CDH13: variants seen among roughly 807,000 people sequenced by gnomAD.
CDH13 encodes the protein cadherin-13.
CDH13 carries 24 observed loss-of-function variants against 63.8 expected under a neutral mutation model. That is an observed-to-expected ratio of 0.38 (90% CI 0.27 to 0.53). CDH13 has a LOEUF of 0.53. CDH13 is among the 20% of genes least tolerant of loss of function. The pLI, the probability that CDH13 is intolerant of heterozygous loss-of-function variation, is 0.85. For synonymous variants in CDH13, 503 were observed against 355.3 expected (o/e 1.42, Z -4.67); for missense variants, 1,049 against 903.1 (o/e 1.16, Z -2.07).
intron 2 of CDH13, among the ~76,000 whole-genome samples, chr16:82,909,730 C>A (rs1050877836): frequency 6.6e-6 from 1 of 152,078 alleles, no homozygotes; most frequent in African/African-American, 2.4e-5. Context: ...TACCTCCCAC[C>A]GGGTTCCTCC....
At chr16:83,294,285 A>T (rs1377791072) in intron 5 of CDH13, among the ~76,000 whole-genome samples, 2 of 152,146 alleles carry the variant, frequency 1.3e-5, no homozygotes, top group African/African-American at 4.8e-5. Context: ...AATACAATAT[A>T]TTGTTATTCA....
intron 5 of CDH13, among the ~76,000 whole-genome samples, chr16:83,273,827 C>T (rs971927570): frequency 6.6e-6 from 1 of 152,138 alleles, no homozygotes; most frequent in African/African-American, 2.4e-5. Context: ...CCACAAGCAA[C>T]ATGTAAGAAA....
At chr16:82,781,518 C>G (rs1361026005) in intron 1 of CDH13, among the ~76,000 whole-genome samples, 2 of 152,080 alleles carry the variant, frequency 1.3e-5, no homozygotes, top group Non-Finnish European at 2.9e-5. Flanking sequence ...CCCACTCACC[C>G]ATCTATTCAC....
In CDH13 at chr16:82,638,191, A is replaced by G. The variant is rs567738203; in HGVS notation, c.45+11054A>G. Among the ~76,000 whole-genome samples the G allele has an allele frequency of 2.6e-5, 4 of 152,298 alleles. No homozygotes were observed. In the East Asian group the frequency reaches 7.7e-4, roughly 29 times the overall value. On this transcript the variant is annotated intron_variant, in intron 1 of 13. Coordinates refer to ENST00000567109, the MANE Select transcript of CDH13 (RefSeq NM_001257.5). ...AAGAACGCTGCAAACCTGGGAACCC[A>G]GAGGTGAACACGACAGTCCAGGCCT...
At chr16:83,071,948 C>G (rs1348292076) in intron 3 of CDH13, among the ~76,000 whole-genome samples, 1 of 152,106 alleles carries the variant, frequency 6.6e-6, no homozygotes, top group Admixed American at 6.5e-5. Context: ...TCTCTCTAAA[C>G]TAACGTCAAA....
chr16:82,717,003 C>A (rs2032419365), intron 1 of CDH13, among the ~76,000 whole-genome samples: 2 of 152,004 alleles, frequency 1.3e-5, no homozygotes, highest in Admixed American at 1.3e-4. Context: ...GGAAGGAGTG[C>A]CTTTTGGGGA....
intron 2 of CDH13, among the ~76,000 whole-genome samples, chr16:82,962,760 C>G (rs1284192758): frequency 6.6e-6 from 1 of 152,140 alleles, no homozygotes; most frequent in Non-Finnish European, 1.5e-5. Flanking sequence ...TTTTTCAGAT[C>G]TCAAGGTGTC....
At chr16:83,562,277 GATA>G (rs902601485) in intron 7 of CDH13, among the ~76,000 whole-genome samples, 69 of 152,242 alleles carry the variant, frequency 4.5e-4, no homozygotes, top group African/African-American at 1.6e-3. Context: ...ATCCTTGTCA[GATA>G]ATAAGAACTT....
intron 7 of CDH13, among the ~76,000 whole-genome samples, chr16:83,528,859 G>A (rs1182923262): frequency 6.6e-6 from 1 of 152,062 alleles, no homozygotes; most frequent in Non-Finnish European, 1.5e-5. Flanking sequence ...TTTTTTCTTT[G>A]TTCATTATGG....
chr16:82,629,835 T>A (rs1907794688), intron 1 of CDH13, among the ~76,000 whole-genome samples: 2 of 152,208 alleles, frequency 1.3e-5, no homozygotes, highest in Admixed American at 1.3e-4. Flanking sequence ...TTGCCTATGA[T>A]AAGTAATGAC....
chr16:82,877,423 G>A (rs1036577688), intron 2 of CDH13, among the ~76,000 whole-genome samples: 1 of 152,164 alleles, frequency 6.6e-6, no homozygotes, highest in Admixed American at 6.5e-5. Flanking sequence ...TCAGGTTGAC[G>A]AAGGTGATCT....
intron 6 of CDH13, among the ~76,000 whole-genome samples, chr16:83,356,212 A>ATGTGTGTGTG (rs10525181): frequency 7.5e-4 from 104 of 138,752 alleles, no homozygotes; most frequent in East Asian, 7.3e-3. Context: ...ATTTATTTTC[A>ATGTGTGTGTG]TGTGTGTGTG....
At chr16:83,129,432 A>C (rs1213496764) in intron 4 of CDH13, among the ~76,000 whole-genome samples, 1 of 152,182 alleles carries the variant, frequency 6.6e-6, no homozygotes, top group Non-Finnish European at 1.5e-5. Flanking sequence ...AAATATTTGT[A>C]ATAAAGTAAG....
chr16:83,088,279 C>T (rs2033714319), intron 3 of CDH13, among the ~76,000 whole-genome samples: 1 of 152,148 alleles, frequency 6.6e-6, no homozygotes. Flanking sequence ...GGGTTTTGTG[C>T]TTCCCTGGTG....
chr16:83,136,383 G>A (rs753055989), intron 4 of CDH13, among the ~76,000 whole-genome samples: 2 of 151,630 alleles, frequency 1.3e-5, no homozygotes, highest in African/African-American at 4.9e-5. Flanking sequence ...CTACTCGGGA[G>A]GCTGAGGCAG....
At chr16:83,588,248 AG>A (rs1223062991) in intron 7 of CDH13, among the ~76,000 whole-genome samples, 1 of 152,200 alleles carries the variant, frequency 6.6e-6, no homozygotes, top group Non-Finnish European at 1.5e-5. Context: ...CCGCAAAACC[AG>A]GCTTTCTAGA....
intron 2 of CDH13, chr16:82,884,065 CA>C: frequency 2.6e-6 from 1 of 390,686 alleles, no homozygotes; most frequent in Non-Finnish European, 5.1e-6. Flanking sequence ...CACTTAAAAC[CA>C]ATAATGAAGT....
At chr16:82,787,787 AG>A (rs2036089404) in intron 1 of CDH13, among the ~76,000 whole-genome samples, 1 of 128,670 alleles carries the variant, frequency 7.8e-6, no homozygotes, top group African/African-American at 2.8e-5. Context: ...TCTCTAGAAA[AG>A]TTACGAATTA....
At chr16:82,675,937 G>A (rs1913847216) in intron 1 of CDH13, among the ~76,000 whole-genome samples, 1 of 152,178 alleles carries the variant, frequency 6.6e-6, no homozygotes, top group Non-Finnish European at 1.5e-5. Context: ...GCAGCAAACT[G>A]CCTCTTTTCT....
Sources: allele counts gnomAD v4.1 joint callset (sites outside exome capture counted in the v4.1 genomes callset), GRCh38; gene constraint gnomAD v4.1.1; transcripts MANE v1.5; gene names NCBI Gene and HGNC (gene_info 2026-07-23, HGNC 2026-07-21).